Variants in CEP128 observed in about 807,000 individuals in gnomAD.
CEP128 encodes centrosomal protein 128kDa.
CEP128 carries 132 observed loss-of-function variants against 156.7 expected under a neutral mutation model. That is an observed-to-expected ratio of 0.84 (90% CI 0.73 to 0.97). The LOEUF is 0.97. Among genes scored for constraint, CEP128 ranks in the 50% least tolerant of loss-of-function variants. The pLI, the probability that CEP128 is intolerant of heterozygous loss-of-function variation, is 0.00. For missense variants in CEP128, 1,252 were observed against 1,281.9 expected (o/e 0.98, Z 0.36); for synonymous variants, 469 against 448.9 (o/e 1.04, Z -0.57).
intron 21 of CEP128, among the ~76,000 whole-genome samples, chr14:80,539,867 T>C (rs1220377575): frequency 1.3e-5 from 2 of 152,146 alleles, no homozygotes; most frequent in Non-Finnish European, 2.9e-5. Context: ...GCTCTGGGAA[T>C]GTCTGTCTTA....
chr14:80,506,249 T>C (rs1249487095), intron 23 of CEP128, among the ~76,000 whole-genome samples: 1 of 151,280 alleles, frequency 6.6e-6, no homozygotes, highest in African/African-American at 2.4e-5. Context: ...TCTGAAGAAC[T>C]GGAGGAAGAC....
intron 15 of CEP128, among the ~76,000 whole-genome samples, chr14:80,778,815 T>C (rs1026550634): frequency 2.6e-5 from 4 of 152,198 alleles, no homozygotes; most frequent in African/African-American, 9.7e-5. Flanking sequence ...AAAATAACAA[T>C]AATGTAAACA....
chr14:80,589,436 G>A (rs1207761848), intron 19 of CEP128, among the ~76,000 whole-genome samples: 1 of 152,074 alleles, frequency 6.6e-6, no homozygotes, highest in African/African-American at 2.4e-5. Flanking sequence ...ACTATACATG[G>A]TATATGGTAT....
chr14:80,481,162 C>T (rs1887044504), intron 14 of CEP128, among the ~76,000 whole-genome samples: 2 of 152,036 alleles, frequency 1.3e-5, no homozygotes, highest in South Asian at 2.1e-4. Context: ...AAAGACATAC[C>T]CGAGACAGGG....
intron 19 of CEP128, among the ~76,000 whole-genome samples, chr14:80,724,853 C>T (rs1163666797): frequency 1.3e-5 from 2 of 151,308 alleles, no homozygotes; most frequent in East Asian, 1.9e-4. Context: ...TGACTGTATA[C>T]TCTAGCCTCC....
At chr14:80,830,192 T>C (rs770867027) in intron 13 of CEP128, 5 of 605,846 alleles carry the variant, frequency 8.3e-6, no homozygotes, top group Non-Finnish European at 1.5e-5. Context: ...TTATTAAACA[T>C]GTAGAGGGCT....
chr14:80,783,475 T>C (rs1194910269), intron 15 of CEP128, among the ~76,000 whole-genome samples: 2 of 152,170 alleles, frequency 1.3e-5, no homozygotes, highest in African/African-American at 4.8e-5. Context: ...AGGTGGGTAT[T>C]AAATGATTAA....
At chr14:80,786,089 G>T (rs1029361761) in intron 14 of CEP128, among the ~76,000 whole-genome samples, 1 of 152,224 alleles carries the variant, frequency 6.6e-6, no homozygotes, top group East Asian at 1.9e-4. Flanking sequence ...ATATGCAACT[G>T]GGAGCCTGGA....
chr14:80,517,338 C>A (rs543853405), intron 23 of CEP128, among the ~76,000 whole-genome samples: 1 of 152,026 alleles, frequency 6.6e-6, no homozygotes, highest in East Asian at 1.9e-4. Flanking sequence ...AACATTTTTT[C>A]TTTTGTAATA....
chr14:80,656,291 T>TATATATATATATA (rs1895148485), intron 19 of CEP128, among the ~76,000 whole-genome samples: 1 of 25,702 alleles, frequency 3.9e-5, no homozygotes, highest in Non-Finnish European at 6.6e-5. Flanking sequence ...ATATATATAT[T>TATATATATATATA]TATATATATA....
chr14:80,911,739 G>A (rs1015785245), intron 4 of CEP128, among the ~76,000 whole-genome samples: 3 of 152,114 alleles, frequency 2.0e-5, no homozygotes, highest in Admixed American at 6.5e-5. Flanking sequence ...AGATTTGGTC[G>A]TTCAGTAAAT....
Position 80,718,656 on chromosome 14 carries a change from T to C in CEP128, c.2806+24419A>G, listed in dbSNP as rs184345958. On this transcript the variant is annotated intron_variant, in intron 19 of 24. Transcript: ENST00000555265. Reference sequence around the variant, plus strand: ...TAGTGATACTGAGTATTTTTTAATTTATCACAGGAAAACAAAAGGATTCTG... The same window carrying C: ...TAGTGATACTGAGTATTTTTTAATTCATCACAGGAAAACAAAAGGATTCTG... 2.2e-3 allele frequency among the ~76,000 whole-genome samples: 342 copies of C among 152,320 alleles called. 2 individuals carry two copies. Among genetic ancestry groups the C allele is most frequent in the African/African-American group, 7.7e-3 (318 of 41,566 alleles).
Position 80,785,204 on chromosome 14 carries a change from T to C in CEP128, c.1902A>G (p.Gln634=). The change falls in exon 15 of 25, where the codon CAA becomes CAG. Residue 634 remains glutamine, a synonymous_variant. Coordinates refer to ENST00000555265, the MANE Select transcript of CEP128 (RefSeq NM_152446.5). ...TGGCACTCAGGTCCTTGATGGACTC[T>C]TGCATCTCAAGAAGTTTAGCTTTGT... The part of the protein sequence containing the change: ...AQDKAKLLEM[Q]ESIKDLSAIR... 1 of 1,614,214 alleles carries C rather than the reference T, an allele frequency of 6.2e-7. No homozygotes were observed. Among genetic ancestry groups the C allele is most frequent in the Non-Finnish European group, 8.5e-7 (1 of 1,180,012 alleles).
At chr14:80,894,978 C>T (rs1352599212) in intron 8 of CEP128, among the ~76,000 whole-genome samples, 1 of 151,404 alleles carries the variant, frequency 6.6e-6, no homozygotes, top group Non-Finnish European at 1.5e-5. Flanking sequence ...TGCTAACTTT[C>T]CTTGAAAAAA....
chr14:80,806,757 T>G (rs1381830933), intron 13 of CEP128, among the ~76,000 whole-genome samples: 1 of 152,154 alleles, frequency 6.6e-6, no homozygotes, highest in East Asian at 1.9e-4. Flanking sequence ...TCACCAATAT[T>G]AATGTGGCAG....
intron 13 of CEP128, among the ~76,000 whole-genome samples, chr14:80,797,050 A>G: frequency 6.6e-6 from 1 of 152,222 alleles, no homozygotes; most frequent in Admixed American, 6.5e-5. Flanking sequence ...AAAGATAACA[A>G]ACAGAAATAA....
chr14:80,743,179 T>A lies in CEP128; in HGVS notation c.2702A>T (p.Gln901Leu). ...CTTGTTTTCAGTCAAATTCCTGAGT[T>A]GTTGTCTGCAGAGCATCAGCTGGTG... ...LRHQLMLCRQQLRNLTENKES... is the reference protein window; with the variant it reads ...LRHQLMLCRQLLRNLTENKES... Residue 901 changes from glutamine (Q) to leucine (L), a missense_variant, in exon 19 of 25, where the codon CAA becomes CTA. Transcript: ENST00000555265. The A allele has an allele frequency of 6.2e-7, 1 of 1,613,836 alleles. No individual in the cohort carries two copies. The highest frequency in any genetic ancestry group is 8.5e-7 in the Non-Finnish European group (1 of 1,179,854).
chr14:80,539,314 A>G lies in CEP128; in HGVS notation c.2881-8428T>C, dbSNP rs565953599. ...AGCCTCTCTGATGCAATGGTTTTGG[A>G]GCAGACTGAGTCATGAGCATTGCCA... On this transcript the variant is annotated intron_variant, in intron 21 of 24. Transcript: ENST00000555265. Among the ~76,000 whole-genome samples the G allele has an allele frequency of 7.2e-5, 11 of 152,278 alleles. No individual in the cohort carries two copies. The South Asian group carries it at 2.1e-3, about 29-fold the overall frequency.
intron 8 of CEP128, among the ~76,000 whole-genome samples, chr14:80,886,941 T>C (rs1888836361): frequency 6.6e-6 from 1 of 152,090 alleles, no homozygotes; most frequent in Non-Finnish European, 1.5e-5. Context: ...GAATATTTAC[T>C]AAGCAAATGG....
Sources: gnomAD v4.1 joint callset for allele counts (sites outside exome capture counted in the v4.1 genomes callset) on GRCh38, gnomAD v4.1.1 for gene constraint, MANE v1.5 for transcripts, NCBI Gene and HGNC (gene_info 2026-07-23, HGNC 2026-07-21) for gene names.